The following UMAD1 variants were observed in gnomAD, a reference collection of about 807,000 sequenced individuals.
UMAD1 encodes the protein UBAP1-MVB12-associated (UMA) domain containing 1, also known as UBAP1-MVB12-associated (UMA)-domain containing protein 1.
UMAD1 carries 8 observed loss-of-function variants against 6.1 expected under a neutral mutation model. The ratio of observed to expected loss-of-function variants is 1.30; its 90% CI spans 0.76 to 2.35. The LOEUF is 2.35. Among genes scored for constraint, UMAD1 ranks in the 30% most tolerant of loss-of-function variants. The probability of loss-of-function intolerance (pLI) is 0.00; values close to 1 mark genes in which losing one functional copy is unlikely to be tolerated. For synonymous variants in UMAD1, 56 were observed against 31.4 expected, an observed-to-expected ratio of 1.78 and a Z score of -2.61; for missense variants, 130 against 78.4, an observed-to-expected ratio of 1.66 and a Z score of -2.49.
chr7:7,842,246 C>G (rs1367837716), intron 3 of UMAD1, among the ~76,000 whole-genome samples: 2 of 152,106 alleles, frequency 1.3e-5, no homozygotes, highest in East Asian at 3.8e-4. Context: ...GAGGATAACT[C>G]TGCCTTCTGC....
chr7:7,642,290 A>G (rs1284234496), intron 1 of UMAD1, among the ~76,000 whole-genome samples: 1 of 150,520 alleles, frequency 6.6e-6, no homozygotes, highest in African/African-American at 2.4e-5. Context: ...ACATACCACC[A>G]CACCCAGCTA....
intron 3 of UMAD1, among the ~76,000 whole-genome samples, chr7:7,855,484 C>T (rs991841184): frequency 6.6e-6 from 1 of 152,264 alleles, no homozygotes; most frequent in Admixed American, 6.5e-5. Context: ...GGCTTGCACC[C>T]TCTGAAGGAA....
intron 2 of UMAD1, among the ~76,000 whole-genome samples, chr7:7,763,046 T>C (rs1781921994): frequency 6.6e-6 from 1 of 152,146 alleles, no homozygotes; most frequent in African/African-American, 2.4e-5. Flanking sequence ...AGGAAATAAA[T>C]ATCCTGAAAT....
chr7:7,673,227 G>C, intron 1 of UMAD1, 82 bp from the exon 2 acceptor site: 1 of 861,324 alleles, frequency 1.2e-6, no homozygotes, highest in Non-Finnish European at 1.9e-6. Context: ...TTGTTATATC[G>C]TTATGCTGAA....
At chr7:7,721,276 C>T (rs1311087772) in intron 2 of UMAD1, among the ~76,000 whole-genome samples, 6 of 152,212 alleles carry the variant, frequency 3.9e-5, no homozygotes, top group Non-Finnish European at 7.3e-5. Flanking sequence ...GAAACTAATA[C>T]AGTATGTGAA....
chr7:7,730,111 A>C (rs577641368), intron 2 of UMAD1, among the ~76,000 whole-genome samples: 1 of 152,302 alleles, frequency 6.6e-6, no homozygotes, highest in South Asian at 2.1e-4. Flanking sequence ...AAAAAATCAC[A>C]ACTGTCATAT....
At chr7:7,721,905 G>A (rs901474190) in intron 2 of UMAD1, among the ~76,000 whole-genome samples, 3 of 152,128 alleles carry the variant, frequency 2.0e-5, no homozygotes, top group African/African-American at 7.2e-5. Context: ...ATCTGGATGG[G>A]CACTATCTAA....
chr7:7,829,391 A>C (rs560896645), intron 3 of UMAD1, among the ~76,000 whole-genome samples: 1 of 151,906 alleles, frequency 6.6e-6, no homozygotes. Context: ...TGTAATTTTT[A>C]AGCATCTACT....
chr7:7,678,509 A>C (rs1779809521), intron 2 of UMAD1, among the ~76,000 whole-genome samples: 1 of 132,554 alleles, frequency 7.5e-6, no homozygotes, highest in African/African-American at 2.9e-5. Context: ...TTATATATTT[A>C]ATATAGATAA....
At chr7:7,875,788 A>G (rs766001267) in intron 3 of UMAD1, among the ~76,000 whole-genome samples, 1 of 152,250 alleles carries the variant, frequency 6.6e-6, no homozygotes, top group African/African-American at 2.4e-5. Context: ...AACATGAGCT[A>G]CAAAAGCTTC....
At chr7:7,660,975 T>C (rs764558429) in intron 1 of UMAD1, among the ~76,000 whole-genome samples, 7 of 150,462 alleles carry the variant, frequency 4.7e-5, no homozygotes, top group Non-Finnish European at 8.8e-5. Context: ...CATAGTCCCA[T>C]ATTTCTTGGA....
At chr7:7,749,651 A>G (rs1369847038) in intron 2 of UMAD1, among the ~76,000 whole-genome samples, 4 of 152,172 alleles carry the variant, frequency 2.6e-5, no homozygotes, top group Admixed American at 2.0e-4. Context: ...TTACTCTCAT[A>G]TTTTTCTAAA....
chr7:7,802,427 G>T (rs909697499), intron 3 of UMAD1, among the ~76,000 whole-genome samples: 1 of 151,586 alleles, frequency 6.6e-6, no homozygotes, highest in Admixed American at 6.6e-5. Context: ...ACTAGTTCCA[G>T]CATCAAAGTA....
intron 2 of UMAD1, among the ~76,000 whole-genome samples, chr7:7,731,501 A>AAC: frequency 6.8e-6 from 1 of 147,290 alleles, no homozygotes; most frequent in Non-Finnish European, 1.5e-5. Context: ...CAAAAAAAAA[A>AAC]CACTTCTAGA....
In UMAD1 at chr7:7,729,046, G is replaced by T. The variant is rs148238825; in HGVS notation, c.82+55593G>T. Among the ~76,000 whole-genome samples the T allele has an allele frequency of 2.6e-5, 4 of 152,308 alleles. No homozygotes were observed. The East Asian group carries it at 7.7e-4, about 29-fold the overall frequency. ...GACCAAATGTGGAAGATTGAGTAAG[G>T]CTTCCATAAGTACATAATGTATTTG... On this transcript the variant is annotated intron_variant, in intron 2 of 3. Coordinates refer to ENST00000682710, the MANE Select transcript of UMAD1 (RefSeq NM_001302348.2).
At chr7:7,746,707 G>A in intron 2 of UMAD1, among the ~76,000 whole-genome samples, 1 of 152,226 alleles carries the variant, frequency 6.6e-6, no homozygotes, top group East Asian at 1.9e-4. Flanking sequence ...AAATTATCTG[G>A]TGCAGAATGT....
chr7:7,690,305 C>A (rs991662368), intron 2 of UMAD1, among the ~76,000 whole-genome samples: 2 of 151,732 alleles, frequency 1.3e-5, no homozygotes, highest in African/African-American at 4.8e-5. Context: ...CATGGAAGTT[C>A]AGGAGAAAAA....
At chr7:7,846,542 T>A (rs1050157854) in intron 3 of UMAD1, among the ~76,000 whole-genome samples, 6 of 152,148 alleles carry the variant, frequency 3.9e-5, no homozygotes, top group African/African-American at 1.4e-4. Context: ...GATGATACTA[T>A]CTTAAAAAGC....
In UMAD1 at chr7:7,735,470, C is replaced by T. The variant is rs567412149; in HGVS notation, c.82+62017C>T. On this transcript the variant is annotated intron_variant, in intron 2 of 3. Transcript: ENST00000682710. Reference sequence around the variant, plus strand: ...TGTTGCCCAGGCTGGAGTGCAATGACGTGATCTCCGCTCACTGCAACCTCC... The same window carrying T: ...TGTTGCCCAGGCTGGAGTGCAATGATGTGATCTCCGCTCACTGCAACCTCC... Among the ~76,000 whole-genome samples the T allele has an allele frequency of 5.9e-5, 9 of 151,272 alleles. No individual in the cohort carries two copies. In the South Asian group the frequency reaches 1.2e-3, roughly 21 times the overall value.
Sources: gnomAD v4.1 joint callset for allele counts (sites outside exome capture counted in the v4.1 genomes callset) on GRCh38, gnomAD v4.1.1 for gene constraint, MANE v1.5 for transcripts, NCBI Gene and HGNC (gene_info 2026-07-23, HGNC 2026-07-21) for gene names.